KCNH8: variants seen among roughly 807,000 people sequenced by gnomAD.
KCNH8 encodes the protein potassium voltage-gated channel subfamily H member 8, also known as voltage-gated delayed rectifier potassium channel KCNH8.
In KCNH8, 70 loss-of-function variants were observed where a neutral mutation model predicts 103.6. The observed-to-expected ratio is 0.68, with a 90% CI of 0.56 to 0.82. KCNH8 has a LOEUF of 0.82. KCNH8 is among the 40% of genes least tolerant of loss of function. The pLI is 0.00. For missense variants in KCNH8, 1,217 were observed against 1,329.9 expected (o/e 0.92, Z 1.32); for synonymous variants, 498 against 489.4 (o/e 1.02, Z -0.23).
intron 11 of KCNH8, among the ~76,000 whole-genome samples, chr3:19,494,692 A>G (rs559952757): frequency 2.0e-5 from 3 of 152,154 alleles, no homozygotes; most frequent in Non-Finnish European, 4.4e-5. Flanking sequence ...TGGTAAAATA[A>G]TGTATATTCC....
At chr3:19,529,188 T>C (rs757627989) in intron 15 of KCNH8, among the ~76,000 whole-genome samples, 5 of 152,252 alleles carry the variant, frequency 3.3e-5, no homozygotes, top group South Asian at 4.1e-4. Flanking sequence ...CTCAAAAAGA[T>C]TGTATTTTCT....
At chr3:19,408,948 A>C (rs2066734750) in intron 7 of KCNH8, among the ~76,000 whole-genome samples, 1 of 152,178 alleles carries the variant, frequency 6.6e-6, no homozygotes, top group Admixed American at 6.5e-5. Flanking sequence ...AATATATTTG[A>C]GGTAATCATT....
intron 5 of KCNH8, among the ~76,000 whole-genome samples, chr3:19,370,218 C>G (rs1046335397): frequency 2.0e-5 from 3 of 152,024 alleles, no homozygotes; most frequent in Non-Finnish European, 2.9e-5. Flanking sequence ...ACATTCATCT[C>G]ATGACTTTAT....
intron 1 of KCNH8, among the ~76,000 whole-genome samples, chr3:19,198,993 A>C (rs1385964069): frequency 1.3e-5 from 2 of 152,070 alleles, no homozygotes; most frequent in African/African-American, 4.8e-5. Context: ...CGTCAGGTGA[A>C]CAGATGATAA....
intron 3 of KCNH8, among the ~76,000 whole-genome samples, chr3:19,313,410 A>G (rs1170164924): frequency 6.6e-6 from 1 of 151,956 alleles, no homozygotes; most frequent in South Asian, 2.1e-4. Flanking sequence ...TTCCAGCTAC[A>G]GTATAAAATA....
intron 6 of KCNH8, among the ~76,000 whole-genome samples, chr3:19,394,252 T>C (rs2066480852): frequency 6.6e-6 from 1 of 152,048 alleles, no homozygotes; most frequent in African/African-American, 2.4e-5. Flanking sequence ...GAATGTTCTT[T>C]GAAGGTATGA....
At chr3:19,261,865 T>C (rs1442444492) in intron 2 of KCNH8, among the ~76,000 whole-genome samples, 1 of 151,790 alleles carries the variant, frequency 6.6e-6, no homozygotes, top group African/African-American at 2.4e-5. Context: ...ATTGAAGAGA[T>C]TTTCCTTATC....
chr3:19,405,828 T>C (rs2066683166), intron 7 of KCNH8, among the ~76,000 whole-genome samples: 1 of 152,020 alleles, frequency 6.6e-6, no homozygotes, highest in African/African-American at 2.4e-5. Context: ...TGACTGATTC[T>C]TACTGAGTTT....
intron 2 of KCNH8, among the ~76,000 whole-genome samples, chr3:19,279,192 C>T (rs111978460): frequency 4.9e-4 from 74 of 152,092 alleles, no homozygotes; most frequent in Admixed American, 2.6e-4. Flanking sequence ...TTGAAAAAGG[C>T]TCCCAGTCTG....
chr3:19,276,793 A>G (rs1204557652), intron 2 of KCNH8, among the ~76,000 whole-genome samples: 1 of 152,178 alleles, frequency 6.6e-6, no homozygotes, highest in South Asian at 2.1e-4. Flanking sequence ...GAAGAAAAGT[A>G]TGGAATGGTC....
chr3:19,255,164 A>G (rs1295295552), intron 2 of KCNH8, among the ~76,000 whole-genome samples: 1 of 152,174 alleles, frequency 6.6e-6, no homozygotes, highest in Non-Finnish European at 1.5e-5. Context: ...GCAGGAAGGC[A>G]GCTGTCTGCA....
chr3:19,470,912 T>A (rs2067842879), intron 11 of KCNH8, among the ~76,000 whole-genome samples: 1 of 152,228 alleles, frequency 6.6e-6, no homozygotes, highest in South Asian at 2.1e-4. Flanking sequence ...TATGCTGCAG[T>A]GGCTCATGCT....
At chr3:19,282,392 C>T (rs944134019) in intron 3 of KCNH8, among the ~76,000 whole-genome samples, 1 of 152,032 alleles carries the variant, frequency 6.6e-6, no homozygotes, top group Admixed American at 6.6e-5. Flanking sequence ...GTAAGTTCCA[C>T]AAAGATAAGT....
rs539092313 is a variant in KCNH8 at position 19,398,877 on chromosome 3, C to T, written c.1177+3566C>T. ...TAGTGAATACTTATCATTTTATGTA[C>T]GAAAGTTACTAAGAAATAGCTTTAA... On this transcript the variant is annotated intron_variant, in intron 7 of 15. Coordinates refer to ENST00000328405, the MANE Select transcript of KCNH8 (RefSeq NM_144633.3). 2.2e-4 allele frequency among the ~76,000 whole-genome samples: 33 copies of T among 151,992 alleles called. 1 individual carries two copies. In the South Asian group the frequency reaches 6.6e-3, roughly 31 times the overall value.
At chr3:19,298,277 C>T (rs2065020677) in intron 3 of KCNH8, among the ~76,000 whole-genome samples, 1 of 152,086 alleles carries the variant, frequency 6.6e-6, no homozygotes, top group Non-Finnish European at 1.5e-5. Context: ...TGCCAGGTCA[C>T]GGTGATGGAA....
intron 11 of KCNH8, among the ~76,000 whole-genome samples, chr3:19,479,052 G>C (rs1282236288): frequency 1.3e-5 from 2 of 152,086 alleles, no homozygotes; most frequent in African/African-American, 2.4e-5. Flanking sequence ...TGTTTCTTAA[G>C]GTTACATAGC....
At chr3:19,305,053 C>T (rs1182681103) in intron 3 of KCNH8, among the ~76,000 whole-genome samples, 2 of 151,550 alleles carry the variant, frequency 1.3e-5, no homozygotes, top group Non-Finnish European at 1.5e-5. Context: ...ACTTAAGCAT[C>T]ATGACACTGT....
At chr3:19,260,653 A>G (rs1380513403) in intron 2 of KCNH8, among the ~76,000 whole-genome samples, 1 of 148,592 alleles carries the variant, frequency 6.7e-6, no homozygotes, top group East Asian at 2.0e-4. Flanking sequence ...CCCAAGTACA[A>G]CACACTATTA....
chr3:19,233,631 G>A (rs1397525325), intron 1 of KCNH8, among the ~76,000 whole-genome samples: 1 of 152,096 alleles, frequency 6.6e-6, no homozygotes, highest in African/African-American at 2.4e-5. Context: ...TCCCAGCCTG[G>A]GCCACTGTCT....
Sources: gnomAD v4.1 joint callset for allele counts (sites outside exome capture counted in the v4.1 genomes callset) on GRCh38, gnomAD v4.1.1 for gene constraint, MANE v1.5 for transcripts, NCBI Gene and HGNC (gene_info 2026-07-23, HGNC 2026-07-21) for gene names.